The following DOCK3 variants were observed in gnomAD, a reference collection of about 807,000 sequenced individuals.
The protein encoded by DOCK3 is dedicator of cytokinesis 3.
DOCK3 carries 60 observed loss-of-function variants against 265.6 expected under a neutral mutation model. The observed-to-expected ratio is 0.23, with a 90% CI of 0.18 to 0.28. The LOEUF (loss-of-function observed/expected upper bound fraction) is 0.28. Ranked by LOEUF, DOCK3 falls within the 10% of genes least tolerant of loss-of-function variation. The pLI is 1.00. For missense variants in DOCK3, 1,981 were observed against 2,594.3 expected (o/e 0.76, Z 5.14); for synonymous variants, 881 against 938.0 (o/e 0.94, Z 1.11).
At chr3:50,717,706 T>C (rs1186929178) in intron 1 of DOCK3, among the ~76,000 whole-genome samples, 2 of 152,162 alleles carry the variant, frequency 1.3e-5, no homozygotes, top group African/African-American at 2.4e-5. Context: ...CACTGCAACC[T>C]CCACCTCCCT....
At chr3:51,244,243 T>C (rs1466403819) in intron 21 of DOCK3, among the ~76,000 whole-genome samples, 4 of 151,494 alleles carry the variant, frequency 2.6e-5, no homozygotes, top group African/African-American at 7.3e-5. Context: ...AAAAATGCCA[T>C]TGGAATTGTG....
chr3:50,697,114 A>G (rs1007966289), intron 1 of DOCK3, among the ~76,000 whole-genome samples: 13 of 151,564 alleles, frequency 8.6e-5, no homozygotes, highest in Non-Finnish European at 1.8e-4. Flanking sequence ...TATTTTTAGT[A>G]GAGACAGGGT....
chr3:50,742,095 G>A (rs1308258945), intron 1 of DOCK3, among the ~76,000 whole-genome samples: 1 of 152,104 alleles, frequency 6.6e-6, no homozygotes, highest in African/African-American at 2.4e-5. Context: ...GTCTGTTCAT[G>A]TCCTTCGCCC....
At chr3:50,960,292 G>T (rs1209950187) in intron 5 of DOCK3, among the ~76,000 whole-genome samples, 1 of 152,042 alleles carries the variant, frequency 6.6e-6, no homozygotes, top group Non-Finnish European at 1.5e-5. Context: ...TCCCAAAATG[G>T]TTGTACCATT....
chr3:50,822,439 A>G (rs142153805), intron 2 of DOCK3, among the ~76,000 whole-genome samples: 93 of 152,210 alleles, frequency 6.1e-4, no homozygotes, highest in African/African-American at 2.1e-3. Context: ...ATAGAATTAC[A>G]TTGTCACAAT....
intron 32 of DOCK3, among the ~76,000 whole-genome samples, chr3:51,322,476 T>G (rs962790775): frequency 3.3e-5 from 5 of 152,176 alleles, no homozygotes; most frequent in African/African-American, 4.8e-5. Context: ...ATGCTAGGAT[T>G]ACAGGCATGA....
At chr3:50,747,101 A>G (rs1383957374) in intron 1 of DOCK3, among the ~76,000 whole-genome samples, 1 of 152,226 alleles carries the variant, frequency 6.6e-6, no homozygotes, top group Non-Finnish European at 1.5e-5. Flanking sequence ...TTTGTAAAAA[A>G]TCAACTGTCT....
chr3:51,259,638 T>G (rs1231513723), intron 22 of DOCK3, among the ~76,000 whole-genome samples: 15 of 152,332 alleles, frequency 9.8e-5, no homozygotes, highest in African/African-American at 3.6e-4. Flanking sequence ...ACAGGTTTTC[T>G]TCAGATTTCT....
chr3:50,877,575 C>G, intron 3 of DOCK3: 1 of 518,904 alleles, frequency 1.9e-6, no homozygotes, highest in South Asian at 1.4e-5. Flanking sequence ...AGCGAGGATT[C>G]AGCTTGATGG....
At chr3:50,725,064 A>G (rs1022237975) in intron 1 of DOCK3, among the ~76,000 whole-genome samples, 1 of 152,136 alleles carries the variant, frequency 6.6e-6, no homozygotes, top group Non-Finnish European at 1.5e-5. Flanking sequence ...CAGATCCAAC[A>G]TGTTCAAGGA....
intron 2 of DOCK3, among the ~76,000 whole-genome samples, chr3:50,829,149 T>A (rs969340888): frequency 6.6e-6 from 1 of 152,216 alleles, no homozygotes; most frequent in Non-Finnish European, 1.5e-5. Context: ...TGCGCATTGT[T>A]TCAGTTTCTG....
chr3:50,684,570 C>T (rs150358793), intron 1 of DOCK3, among the ~76,000 whole-genome samples: 3 of 152,270 alleles, frequency 2.0e-5, no homozygotes, highest in African/African-American at 7.2e-5. Flanking sequence ...CTTAGGATTC[C>T]AGTATGAATC....
intron 5 of DOCK3, among the ~76,000 whole-genome samples, chr3:50,963,572 G>T (rs917928808): frequency 6.6e-6 from 1 of 151,910 alleles, no homozygotes; most frequent in Non-Finnish European, 1.5e-5. Flanking sequence ...AAAGTCAATG[G>T]GACTGTATAT....
In DOCK3 at chr3:51,374,366, T is replaced by C. The variant is rs3828395; in HGVS notation, c.5294-103T>C. ...GCTGAGTTCATCCTCACCCTAACTG[T>C]AAGGGACACCTACCCTGGTTCCCTA... On this transcript the variant is annotated intron_variant, in intron 49 of 52. Coordinates refer to ENST00000266037, the MANE Select transcript of DOCK3 (RefSeq NM_004947.5). This position sits in a 1 kb window ranked among gnomAD's most constrained non-coding sequence, Gnocchi z 4.8. 64,635 of 1,060,446 alleles carry C rather than the reference T, an allele frequency of 0.061. 7,101 individuals are homozygous for C. The highest frequency in any genetic ancestry group is 0.33 in the East Asian group (12,493 of 38,238). The allele number at this position is 1,060,446 out of a possible 1,614,324, so 65.7% of individuals were successfully genotyped here. A position where few individuals can be genotyped will look rare whatever the true frequency, so the allele number is the denominator to read the frequency against.
At chr3:51,019,926 T>C (rs2079513684) in intron 5 of DOCK3, among the ~76,000 whole-genome samples, 3 of 151,926 alleles carry the variant, frequency 2.0e-5, no homozygotes, top group African/African-American at 4.9e-5. Flanking sequence ...TGAATAGTAC[T>C]GCAGTGAACA....
At chr3:51,023,717 T>A (rs193069960) in intron 5 of DOCK3, among the ~76,000 whole-genome samples, 12 of 152,190 alleles carry the variant, frequency 7.9e-5, no homozygotes, top group Non-Finnish European at 2.9e-5. Flanking sequence ...CCTGGTCTGA[T>A]TGATTTTTTC....
chr3:51,320,736 G>A (rs908617218), intron 32 of DOCK3, among the ~76,000 whole-genome samples: 2 of 152,012 alleles, frequency 1.3e-5, no homozygotes, highest in Admixed American at 6.5e-5. Flanking sequence ...GGAGCCCACC[G>A]CAGCTCAGCA....
chr3:51,147,458 A>T (rs191694018), intron 10 of DOCK3, among the ~76,000 whole-genome samples: 1 of 152,278 alleles, frequency 6.6e-6, no homozygotes, highest in East Asian at 1.9e-4. Flanking sequence ...CGTGATTTAC[A>T]TTAAGTATTT....
chr3:50,924,564 G>A (rs969633004), intron 4 of DOCK3, among the ~76,000 whole-genome samples: 7 of 152,230 alleles, frequency 4.6e-5, no homozygotes, highest in Non-Finnish European at 1.0e-4. Flanking sequence ...CAGAAATGAA[G>A]CAGCCAGGGA....
Sources: gnomAD v4.1 joint callset for allele counts (sites outside exome capture counted in the v4.1 genomes callset) on GRCh38, gnomAD v4.1.1 for gene constraint, Gnocchi (gnomAD v3.1) non-coding constraint, MANE v1.5 for transcripts, NCBI Gene and HGNC (gene_info 2026-07-23, HGNC 2026-07-21) for gene names.